FAM83A: variants seen among roughly 807,000 people sequenced by gnomAD.
FAM83A encodes the protein scaffolding CK1 anchoring protein A, also known as protein FAM83A.
Under a neutral mutation model 24.4 loss-of-function variants are expected in FAM83A, and 21 were observed. That is an observed-to-expected ratio of 0.86 (90% CI 0.61 to 1.24). The LOEUF is 1.24. FAM83A is among the 50% of genes most tolerant of loss of function. FAM83A has a pLI of 0.00. For synonymous variants in FAM83A, 270 were observed against 252.4 expected (o/e 1.07, Z -0.66); for missense variants, 617 against 579.8 (o/e 1.06, Z -0.66).
At chr8:123,190,219 A>G (rs1040462669) in intron 1 of FAM83A, among the ~76,000 whole-genome samples, 3 of 152,098 alleles carry the variant, frequency 2.0e-5, no homozygotes, top group Non-Finnish European at 4.4e-5. Flanking sequence ...GAAAGAAAGA[A>G]GAAAGAAAGA....
exon 1 of FAM83A, chr8:123,183,181 G>A (rs755246723): frequency 3.2e-5 from 51 of 1,613,542 alleles, no homozygotes; most frequent in Non-Finnish European, 4.3e-5. Context: ...CTTCCCTGTG[G>A]CCTCAGAGGG....
chr8:123,203,586 CAAA>C (rs1187426797), intron 3 of FAM83A, among the ~76,000 whole-genome samples: 16 of 41,172 alleles, frequency 3.9e-4, no homozygotes, highest in African/African-American at 1.1e-3. Flanking sequence ...AGATCTGTCT[CAAA>C]AAAAAAAAAA....
chr8:123,181,959 A>G (rs1823608358), upstream of FAM83A: 2 of 448,904 alleles, frequency 4.5e-6, no homozygotes, highest in Non-Finnish European at 4.5e-6. Flanking sequence ...TGATCTGGAA[A>G]GAACACGTGG....
exon 1 of FAM83A, chr8:123,182,815 T>C: frequency 4.0e-6 from 6 of 1,509,312 alleles, no homozygotes; most frequent in Non-Finnish European, 5.3e-6. Flanking sequence ...CTGGAGGAGC[T>C]GACGTGCCAG....
At chr8:123,184,836 C>G (rs1823737315) in intron 1 of FAM83A, among the ~76,000 whole-genome samples, 1 of 152,226 alleles carries the variant, frequency 6.6e-6, no homozygotes. Flanking sequence ...TTTTGTTACA[C>G]TTAGAAGAAG....
rs761228676 is a variant in FAM83A, at chr8:123,183,411, G to A, written c.480+75G>A. The A allele has an allele frequency of 2.9e-5, 44 of 1,536,868 alleles. 1 individual carries two copies. Among genetic ancestry groups the A allele is most frequent in the Admixed American group, 3.9e-5 (2 of 51,346 alleles). ...GGGGGCTGATAGAGCAGGGAGGGGG[G>A]TGCATTTTGCTCCCAGGGCGAGAGT... On this transcript the variant is annotated intron_variant, in intron 1 of 3. Transcript: ENST00000690554.
At chr8:123,200,964 A>G (rs918584055) in intron 3 of FAM83A, among the ~76,000 whole-genome samples, 1 of 146,156 alleles carries the variant, frequency 6.8e-6, no homozygotes, top group African/African-American at 2.6e-5. Flanking sequence ...AAACAAAAAA[A>G]AAAAATATAT....
intron 1 of FAM83A, among the ~76,000 whole-genome samples, chr8:123,189,261 A>G (rs908609436): frequency 7.2e-5 from 11 of 152,326 alleles, no homozygotes; most frequent in Admixed American, 4.6e-4. Context: ...GCAATCTCTG[A>G]GGAGTTCCCT....
At chr8:123,206,944 T>G (rs1824571027) in intron 3 of FAM83A, among the ~76,000 whole-genome samples, 1 of 142,656 alleles carries the variant, frequency 7.0e-6, no homozygotes, top group Non-Finnish European at 1.5e-5. Flanking sequence ...CTCTTCTTCC[T>G]CCTCCCCCTC....
chr8:123,183,228 T>TGA lies in FAM83A; in HGVS notation c.375_376dup (p.Lys126ArgfsTer5). On this transcript the variant is annotated frameshift_variant, in exon 1 of 4. Transcript: ENST00000690554. LOFTEE classifies it high-confidence loss of function. ...CCCTACTGCACAGCTGGGCCTCAGC[T>TGA]GAGAAGCCCTACCTGAAGGAAAAAT... 1 of 1,613,448 alleles carries TGA rather than the reference T, an allele frequency of 6.2e-7. No individual in the cohort carries two copies. The highest frequency in any genetic ancestry group is 8.5e-7 in the Non-Finnish European group (1 of 1,180,010).
rs192920163 is a variant in FAM83A, at chr8:123,209,617, G to A, written c.*1929G>A. The A allele has an allele frequency of 3.4e-4, 521 of 1,551,510 alleles. No individual in the cohort carries two copies. In the African/African-American group the frequency reaches 6.1e-3, roughly 18 times the overall value. ...GCTGAGAAAGTTTAAGGAAGGCAAA[G>A]CTTGCCAGGTCACAGAAGCTCCCAA... On this transcript the variant is annotated 3_prime_UTR_variant, in exon 4 of 4. Coordinates refer to ENST00000690554, the Ensembl canonical transcript of FAM83A. This position sits in a 1 kb window ranked among gnomAD's most constrained non-coding sequence, Gnocchi z 4.7.
chr8:123,190,511 C>T (rs1426488914), intron 1 of FAM83A, among the ~76,000 whole-genome samples: 1 of 151,960 alleles, frequency 6.6e-6, no homozygotes, highest in African/African-American at 2.4e-5. Context: ...ATGATCCGCC[C>T]GCCTCGGCCT....
chr8:123,183,299 G>A (rs1479863874), exon 1 of FAM83A: 2 of 1,613,072 alleles, frequency 1.2e-6, no homozygotes, highest in Admixed American at 1.7e-5. Context: ...AACAACATCA[G>A]AGACCTCGTC....
At chr8:123,185,005 G>T (rs933073006) in intron 1 of FAM83A, among the ~76,000 whole-genome samples, 1 of 152,214 alleles carries the variant, frequency 6.6e-6, no homozygotes, top group African/African-American at 2.4e-5. Context: ...GGAGGGAGCA[G>T]AGTTCTGGAA....
exon 4 of FAM83A, chr8:123,207,610 G>T (rs781043794): frequency 6.4e-7 from 1 of 1,554,908 alleles, no homozygotes; most frequent in Non-Finnish European, 8.6e-7. Context: ...CCACGCGGCT[G>T]CAGCTGGAGC....
chr8:123,179,552 C>G (rs1823545262), upstream of FAM83A: 1 of 152,180 alleles, frequency 6.6e-6, no homozygotes, highest in Admixed American at 6.5e-5. Flanking sequence ...CAGAACAGTT[C>G]CCAGCTCACT....
rs201332673 is a variant in FAM83A, at chr8:123,206,910, GTCCTCCTCC to G, written c.774-238_774-230del. 5.0e-3 allele frequency among the ~76,000 whole-genome samples: 760 copies of G among 151,216 alleles called. 9 individuals carry two copies. The highest frequency in any genetic ancestry group is 0.017 in the African/African-American group (706 of 41,122). On this transcript the variant is annotated intron_variant, in intron 3 of 3. Transcript: ENST00000690554. ...CCTGGGCCGGCGAAGCCTCCTATCT[GTCCTCCTCC>G]TCCTCCTCTTCCTCCTCTTCTTCCT...
chr8:123,206,928 TTCC>T (rs1235365981), intron 3 of FAM83A, among the ~76,000 whole-genome samples: 1 of 148,912 alleles, frequency 6.7e-6, no homozygotes, highest in Admixed American at 6.7e-5. Context: ...CCTCCTCCTC[TTCC>T]TCCTCTTCTT....
intron 3 of FAM83A, among the ~76,000 whole-genome samples, chr8:123,196,751 T>C (rs1054521264): frequency 1.3e-5 from 2 of 152,140 alleles, no homozygotes; most frequent in African/African-American, 2.4e-5. Flanking sequence ...ACTGGCTAAG[T>C]AAAGGCAGAA....
Sources: allele counts gnomAD v4.1 joint callset (sites outside exome capture counted in the v4.1 genomes callset), GRCh38; gene constraint gnomAD v4.1.1; non-coding constraint Gnocchi (gnomAD v3.1); transcripts MANE v1.5; gene names NCBI Gene and HGNC (gene_info 2026-07-23, HGNC 2026-07-21).